Variants in FAM227B observed in about 807,000 individuals in gnomAD.
FAM227B encodes family with sequence similarity 227 member B, also known as protein FAM227B.
FAM227B carries 88 observed loss-of-function variants against 73.8 expected under a neutral mutation model. That is an observed-to-expected ratio of 1.19 (90% confidence interval 1.00 to 1.42). FAM227B has a LOEUF of 1.42. Ranked by LOEUF, FAM227B falls within the 40% of genes most tolerant of loss-of-function variation. FAM227B has a pLI of 0.00. For synonymous variants in FAM227B, 210 were observed against 190.5 expected (o/e 1.10, Z -0.84); for missense variants, 632 against 590.9 (o/e 1.07, Z -0.72).
intron 13 of FAM227B, chr15:49,366,630 G>A: frequency 1.3e-6 from 2 of 1,584,302 alleles, no homozygotes; most frequent in Non-Finnish European, 1.7e-6. Flanking sequence ...AGCTGGAGCA[G>A]GAAGCCCCAG....
At chr15:49,608,888 T>C (rs1020825932) in intron 3 of FAM227B, among the ~76,000 whole-genome samples, 1 of 151,870 alleles carries the variant, frequency 6.6e-6, no homozygotes, top group African/African-American at 2.4e-5. Flanking sequence ...ATCAAAAGTA[T>C]AATATATAAA....
At chr15:49,412,716 T>C (rs2048951859) in intron 11 of FAM227B, among the ~76,000 whole-genome samples, 1 of 152,080 alleles carries the variant, frequency 6.6e-6, no homozygotes. Context: ...CATCCTTAAT[T>C]AGAAAAATGA....
intron 10 of FAM227B, among the ~76,000 whole-genome samples, chr15:49,528,136 T>G (rs190990508): frequency 6.6e-6 from 1 of 151,842 alleles, no homozygotes; most frequent in Non-Finnish European, 1.5e-5. Flanking sequence ...AATAACATAG[T>G]GCTGGTACAA....
At chr15:49,543,097 G>A (rs2071315650) in intron 9 of FAM227B, among the ~76,000 whole-genome samples, 1 of 152,084 alleles carries the variant, frequency 6.6e-6, no homozygotes, top group African/African-American at 2.4e-5. Flanking sequence ...GTTTTCCATA[G>A]TTGTTTTATT....
At chr15:49,581,406 C>T (rs2075804421) in intron 5 of FAM227B, among the ~76,000 whole-genome samples, 1 of 151,838 alleles carries the variant, frequency 6.6e-6, no homozygotes, top group African/African-American at 2.4e-5. Context: ...TGGCTCACTG[C>T]AACTTCCCCC....
chr15:49,402,969 G>C (rs2048274268), intron 11 of FAM227B, among the ~76,000 whole-genome samples: 2 of 152,142 alleles, frequency 1.3e-5, no homozygotes, highest in Non-Finnish European at 2.9e-5. Flanking sequence ...CTAGTTTATT[G>C]AGAGTTTTTA....
intron 11 of FAM227B, among the ~76,000 whole-genome samples, chr15:49,456,920 A>G (rs1173549125): frequency 6.6e-6 from 1 of 152,104 alleles, no homozygotes; most frequent in Non-Finnish European, 1.5e-5. Flanking sequence ...AATCCAATTT[A>G]ATTTTTAAAA....
intron 11 of FAM227B, among the ~76,000 whole-genome samples, chr15:49,414,255 A>G (rs1287469135): frequency 6.6e-6 from 1 of 152,190 alleles, no homozygotes; most frequent in Non-Finnish European, 1.5e-5. Context: ...ATAATTGGTT[A>G]CACAACTCTT....
chr15:49,420,295 C>A (rs950717096), intron 11 of FAM227B, among the ~76,000 whole-genome samples: 4 of 151,946 alleles, frequency 2.6e-5, no homozygotes, highest in African/African-American at 9.7e-5. Context: ...TAGGAGGCTG[C>A]TCAAATACAC....
At chr15:49,600,580 G>A (rs545788625) in intron 3 of FAM227B, among the ~76,000 whole-genome samples, 12 of 151,144 alleles carry the variant, frequency 7.9e-5, no homozygotes, top group Non-Finnish European at 1.6e-4. Flanking sequence ...TCTTGAACCC[G>A]GGAGGGAGAG....
intron 11 of FAM227B, among the ~76,000 whole-genome samples, chr15:49,382,467 T>C (rs2046603756): frequency 6.6e-6 from 1 of 152,114 alleles, no homozygotes; most frequent in Admixed American, 6.6e-5. Flanking sequence ...ACACCACATA[T>C]TGAAATGAAA....
At chr15:49,553,283 A>C (rs545222927) in intron 9 of FAM227B, among the ~76,000 whole-genome samples, 40 of 152,276 alleles carry the variant, frequency 2.6e-4, no homozygotes, top group African/African-American at 9.2e-4. Context: ...AAACATACAG[A>C]ATCTCTCTTT....
rs954533808 is a variant in FAM227B, at chr15:49,555,698, C to A, written c.747+12547G>T. Reference sequence around the variant, plus strand: ...GATGTCAATGAGTCATAGATTTGGTCTCTTTACATAATCCCATATCTCTAG... The same window carrying A: ...GATGTCAATGAGTCATAGATTTGGTATCTTTACATAATCCCATATCTCTAG... On this transcript the variant is annotated intron_variant, in intron 9 of 15. Transcript: ENST00000299338. Among the ~76,000 whole-genome samples the A allele has an allele frequency of 2.6e-5, 4 of 152,272 alleles. No individual in the cohort carries two copies. In the East Asian group the frequency reaches 5.8e-4, roughly 22 times the overall value.
chr15:49,483,440 G>C (rs1042986795), intron 11 of FAM227B, among the ~76,000 whole-genome samples: 6 of 152,154 alleles, frequency 3.9e-5, no homozygotes, highest in Non-Finnish European at 8.8e-5. Flanking sequence ...CAAATGGCTT[G>C]TTCTTTGGAT....
At chr15:49,617,266 A>C (rs1421850257) in intron 1 of FAM227B, among the ~76,000 whole-genome samples, 1 of 152,338 alleles carries the variant, frequency 6.6e-6, no homozygotes, top group South Asian at 2.1e-4. Context: ...TAAAAATAAA[A>C]TCTAGGCATA....
At chr15:49,428,570 C>G (rs186677062) in intron 11 of FAM227B, among the ~76,000 whole-genome samples, 23 of 152,084 alleles carry the variant, frequency 1.5e-4, no homozygotes, top group South Asian at 4.1e-4. Context: ...TAACACTGCT[C>G]TTTAAGCTGA....
intron 11 of FAM227B, among the ~76,000 whole-genome samples, chr15:49,491,937 A>T (rs997892517): frequency 2.6e-5 from 4 of 151,850 alleles, no homozygotes; most frequent in Admixed American, 6.6e-5. Flanking sequence ...ACTTAATACT[A>T]TTAATACTTG....
chr15:49,342,283 AC>A (rs1326892947), intron 13 of FAM227B, among the ~76,000 whole-genome samples: 1 of 152,032 alleles, frequency 6.6e-6, no homozygotes, highest in Non-Finnish European at 1.5e-5. Flanking sequence ...ATTATGTAAT[AC>A]CCTTTGTCTT....
chr15:49,348,843 T>C (rs572907583), intron 13 of FAM227B, among the ~76,000 whole-genome samples: 1 of 152,348 alleles, frequency 6.6e-6, no homozygotes, highest in Admixed American at 6.5e-5. Context: ...CTTAAACTAT[T>C]TGAAAATGAA....
Sources: gnomAD v4.1 joint callset for allele counts (sites outside exome capture counted in the v4.1 genomes callset) on GRCh38, gnomAD v4.1.1 for gene constraint, MANE v1.5 for transcripts, NCBI Gene and HGNC (gene_info 2026-07-23, HGNC 2026-07-21) for gene names.